Variants in NUP210L observed in about 807,000 individuals in gnomAD.
The protein encoded by NUP210L is nucleoporin 210 like.
A neutral mutation model predicts 208.5 loss-of-function variants in NUP210L; 74 were observed. That is an observed-to-expected ratio of 0.35 (90% confidence interval 0.29 to 0.43). The LOEUF (loss-of-function observed/expected upper bound fraction) is 0.43. Among genes scored for constraint, NUP210L ranks in the 20% least tolerant of loss-of-function variants. The pLI is 1.00. For synonymous variants in NUP210L, 780 were observed against 816.9 expected (o/e 0.95, Z 0.77); for missense variants, 1,843 against 2,289.4 (o/e 0.81, Z 3.98).
In NUP210L at chr1:154,155,080, A is replaced by T. The variant is rs778186748; in HGVS notation, c.-36T>A. ...AGGTCTCGGGTTCCCGCTCAACTAC[A>T]GCCGGCTCACAGCTCCATCAGCCAA... On this transcript the variant is annotated 5_prime_UTR_variant, in exon 1 of 40. Transcript: ENST00000368559. The T allele has an allele frequency of 3.3e-6, 5 of 1,497,422 alleles. No homozygotes were observed. In the African/African-American group the frequency reaches 7.0e-5, roughly 21 times the overall value. 92.8% of individuals were successfully genotyped at this position (1,497,422 alleles called of 1,614,324 possible).
intron 34 of NUP210L, among the ~76,000 whole-genome samples, chr1:154,011,026 G>A (rs1458649923): frequency 6.6e-6 from 1 of 152,042 alleles, no homozygotes; most frequent in African/African-American, 2.4e-5. Context: ...CACAAGTGGT[G>A]CCTTAAGAGG....
At chr1:154,131,208 C>G (rs1385744802) in intron 7 of NUP210L, among the ~76,000 whole-genome samples, 1 of 150,188 alleles carries the variant, frequency 6.7e-6, no homozygotes, top group East Asian at 1.9e-4. Context: ...GGAGGTGGAG[C>G]TTGCAGTGAG....
At chr1:154,015,538 T>G (rs1161589207) in intron 33 of NUP210L, among the ~76,000 whole-genome samples, 3 of 151,898 alleles carry the variant, frequency 2.0e-5, no homozygotes, top group Non-Finnish European at 2.9e-5. Context: ...CTGGCCAACA[T>G]GGTGAAACCC....
exon 26 of NUP210L, chr1:154,046,314 G>T: frequency 1.2e-6 from 2 of 1,614,190 alleles, no homozygotes; most frequent in Non-Finnish European, 1.7e-6. Context: ...GAGCCGAGTT[G>T]CAGCTGCAAG....
At chr1:154,087,007 C>T (rs1221506016) in intron 16 of NUP210L, among the ~76,000 whole-genome samples, 2 of 151,938 alleles carry the variant, frequency 1.3e-5, no homozygotes, top group African/African-American at 4.8e-5. Context: ...ATACAAATGG[C>T]CAGTAAGCAC....
At chr1:154,120,886 ACT>A (rs1407867996) in intron 10 of NUP210L, among the ~76,000 whole-genome samples, 2 of 99,124 alleles carry the variant, frequency 2.0e-5, no homozygotes, top group African/African-American at 4.1e-5. Context: ...ACAGGGCGAG[ACT>A]CTGTCTCAAA....
exon 1 of NUP210L, chr1:154,155,050 C>T (rs951495455): frequency 6.3e-7 from 1 of 1,595,668 alleles, no homozygotes; most frequent in East Asian, 2.3e-5. Context: ...GTCATGGCGA[C>T]TGCCAGGTCT....
intron 2 of NUP210L, among the ~76,000 whole-genome samples, chr1:154,148,650 C>T (rs1158586408): frequency 6.6e-6 from 1 of 152,166 alleles, no homozygotes; most frequent in Non-Finnish European, 1.5e-5. Flanking sequence ...CTTTACATCT[C>T]TTTTGTAAAT....
rs1045787666 is a variant in NUP210L at position 154,104,261 on chromosome 1, T to G, written c.1621-51A>C. On this transcript the variant is annotated intron_variant, in intron 12 of 39. Coordinates refer to ENST00000368559, the Ensembl canonical transcript of NUP210L. ...AGAAAGTTATGTTAAAAAAAAGTCTTAGGAGGAGGAGAAGCAAGATGGCCA... is the reference window on the plus strand; with the variant it reads ...AGAAAGTTATGTTAAAAAAAAGTCTGAGGAGGAGGAGAAGCAAGATGGCCA... The G allele has an allele frequency of 6.6e-6, 10 of 1,522,566 alleles. No homozygotes were observed. The African/African-American group carries it at 1.1e-4, about 17-fold the overall frequency. The allele number at this position is 1,522,566 out of a possible 1,614,324, so 94.3% of individuals were successfully genotyped here.
intron 1 of NUP210L, 65 bp downstream of exon 1, chr1:154,154,777 G>T: frequency 7.6e-7 from 1 of 1,317,530 alleles, no homozygotes; most frequent in Non-Finnish European, 1.1e-6. Context: ...CTTACAGAGG[G>T]AACCCCCCTC....
chr1:154,126,298 C>T lies in NUP210L; in HGVS notation c.1326+25G>A, dbSNP rs1411726316. The stretch of plus-strand genomic sequence containing the variant: ...AAGCCTCTTCAGTGTTCTTAGAATA[C>T]AAACACTGTCTGTTTAATTCCTACC... On this transcript the variant is annotated intron_variant, in intron 10 of 39. Coordinates refer to ENST00000368559, the Ensembl canonical transcript of NUP210L. The T allele has an allele frequency of 6.9e-6, 11 of 1,599,060 alleles. No homozygotes were observed. In the East Asian group the frequency reaches 2.2e-4, roughly 32 times the overall value.
chr1:154,102,384 C>T (rs1656515314), intron 13 of NUP210L, among the ~76,000 whole-genome samples: 1 of 152,100 alleles, frequency 6.6e-6, no homozygotes, highest in East Asian at 1.9e-4. Context: ...GAAGCGCCAT[C>T]TGATAGCCAT....
chr1:154,019,029 T>A lies in NUP210L; in HGVS notation c.4557A>T (p.Leu1519=), dbSNP rs368051537. The A allele has an allele frequency of 2.0e-5, 33 of 1,614,082 alleles. No homozygotes were observed. In the African/African-American group the frequency reaches 3.5e-4, roughly 17 times the overall value. ...CTACTCCAGTGACAATGTCTGTCTG[T>A]AGAATATTGTTGGCAGAAATCATCC... is the stretch of plus-strand genomic sequence containing the variant. The change falls in exon 33 of 40, where the codon CTA becomes CTT. Residue 1519 remains leucine, a synonymous_variant. Coordinates refer to ENST00000368559, the Ensembl canonical transcript of NUP210L.
chr1:154,152,090 CAAAAA>C (rs745735321), intron 2 of NUP210L, among the ~76,000 whole-genome samples: 1 of 103,914 alleles, frequency 9.6e-6, no homozygotes. Context: ...AACTCCGTCT[CAAAAA>C]AAAAAAAAAA....
At chr1:154,071,981 T>C (rs1255548448) in intron 16 of NUP210L, among the ~76,000 whole-genome samples, 1 of 148,608 alleles carries the variant, frequency 6.7e-6, no homozygotes, top group Non-Finnish European at 1.5e-5. Context: ...ATCGCGTGTG[T>C]GTGTGTGTGT....
chr1:154,082,344 G>A (rs1655381287), intron 16 of NUP210L, among the ~76,000 whole-genome samples: 2 of 152,168 alleles, frequency 1.3e-5, no homozygotes, highest in South Asian at 2.1e-4. Flanking sequence ...TTGTGGTATT[G>A]CCAAAGGTCA....
chr1:153,996,608 G>T (rs576449835), intron 37 of NUP210L, among the ~76,000 whole-genome samples: 2 of 152,126 alleles, frequency 1.3e-5, no homozygotes, highest in East Asian at 3.9e-4. Context: ...TTTTAGTAGG[G>T]ATGAGTGTCA....
rs1651439596 is a variant in NUP210L at position 154,019,491 on chromosome 1, CA to C, written c.4517-423del. ...AAGTCTAAAGATGGCCGAGGAATGC[CA>C]AATACTGGGTTAGAGTTTGTACTTA... On this transcript the variant is annotated intron_variant, in intron 32 of 39. Transcript: ENST00000368559. Among the ~76,000 whole-genome samples the C allele has an allele frequency of 2.0e-5, 3 of 152,078 alleles. No homozygotes were observed. In the South Asian group the frequency reaches 6.2e-4, roughly 31 times the overall value.
chr1:154,134,166 A>G (rs1658398769), intron 7 of NUP210L, among the ~76,000 whole-genome samples: 1 of 151,136 alleles, frequency 6.6e-6, no homozygotes, highest in Admixed American at 6.6e-5. Context: ...AAAAATAATA[A>G]TAATAATAAT....
Sources: allele counts gnomAD v4.1 joint callset (sites outside exome capture counted in the v4.1 genomes callset), GRCh38; gene constraint gnomAD v4.1.1; transcripts MANE v1.5; gene names NCBI Gene and HGNC (gene_info 2026-07-23, HGNC 2026-07-21).